C8orf34: variants seen among roughly 807,000 people sequenced by gnomAD.
C8orf34 encodes chromosome 8 open reading frame 34.
C8orf34 carries 65 observed loss-of-function variants against 68.3 expected under a neutral mutation model. The observed-to-expected ratio is 0.95, with a 90% CI of 0.78 to 1.17. The LOEUF (loss-of-function observed/expected upper bound fraction) is 1.17, where lower values mean the gene tolerates loss of function less well. C8orf34 is among the 50% of genes most tolerant of loss of function. The pLI, the probability that C8orf34 is intolerant of heterozygous loss-of-function variation, is 0.00. For missense variants in C8orf34, 664 were observed against 655.4 expected, an observed-to-expected ratio of 1.01 and a Z score of -0.14; for synonymous variants, 244 against 241.2, an observed-to-expected ratio of 1.01 and a Z score of -0.11.
chr8:68,544,576 A>G (rs1462881815), intron 7 of C8orf34, among the ~76,000 whole-genome samples: 3 of 152,178 alleles, frequency 2.0e-5, no homozygotes, highest in Non-Finnish European at 4.4e-5. Context: ...ACAGACCTCA[A>G]TATATGCAAC....
chr8:68,412,542 G>A (rs535489735), intron 1 of C8orf34, among the ~76,000 whole-genome samples: 1 of 152,200 alleles, frequency 6.6e-6, no homozygotes, highest in South Asian at 2.1e-4. Flanking sequence ...TTCCTCAGTA[G>A]TTTTAACTCT....
chr8:68,675,573 A>C (rs1372115241), intron 8 of C8orf34, among the ~76,000 whole-genome samples: 1 of 151,898 alleles, frequency 6.6e-6, no homozygotes, highest in African/African-American at 2.4e-5. Context: ...CTCAAATAAA[A>C]AAAAAACACA....
intron 1 of C8orf34, among the ~76,000 whole-genome samples, chr8:68,426,458 G>A (rs1242536829): frequency 7.2e-6 from 1 of 138,394 alleles, no homozygotes; most frequent in African/African-American, 2.7e-5. Flanking sequence ...GGCGGAGGTT[G>A]TAGTGAGCGG....
intron 10 of C8orf34, among the ~76,000 whole-genome samples, chr8:68,725,721 A>G (rs749775539): frequency 5.3e-5 from 8 of 152,150 alleles, no homozygotes; most frequent in Non-Finnish European, 1.2e-4. Flanking sequence ...TCACATAGAC[A>G]GGGCAGGACA....
intron 7 of C8orf34, among the ~76,000 whole-genome samples, chr8:68,613,334 G>A (rs563939280): frequency 1.3e-5 from 2 of 150,984 alleles, no homozygotes; most frequent in South Asian, 4.2e-4. Flanking sequence ...GGGTACATGT[G>A]CACAATGTGC....
At chr8:68,793,178 AAG>A (rs1439149329) in intron 12 of C8orf34, among the ~76,000 whole-genome samples, 1 of 152,186 alleles carries the variant, frequency 6.6e-6, no homozygotes, top group African/African-American at 2.4e-5. Context: ...GAATATCACA[AAG>A]AAAGAAAATC....
chr8:68,439,562 C>A lies in C8orf34; in HGVS notation c.391C>A (p.Leu131Ile). The A allele has an allele frequency of 1.2e-6, 2 of 1,613,706 alleles. No individual in the cohort carries two copies. Among genetic ancestry groups the A allele is most frequent in the Non-Finnish European group, 1.7e-6 (2 of 1,179,732 alleles). Reference sequence around the variant, plus strand: ...GCCAATCCCATTTCTCATTGACCATCTTCAGTCTAAACAAGGGAACCGTGG... The same window carrying A: ...GCCAATCCCATTTCTCATTGACCATATTCAGTCTAAACAAGGGAACCGTGG... ...DQPIPFLIDHLQSKQGNRGQL... is the reference protein window; with the variant it reads ...DQPIPFLIDHIQSKQGNRGQL... The change falls in exon 2 of 14, where the codon CTT (leucine) becomes ATT (isoleucine). Residue 131 changes from leucine (L) to isoleucine (I), a missense_variant. Leu to Ile is a conservative substitution (Grantham distance 5, BLOSUM62 2). Transcript: ENST00000518698.
intron 7 of C8orf34, among the ~76,000 whole-genome samples, chr8:68,608,413 T>C (rs1817918711): frequency 6.6e-6 from 1 of 151,784 alleles, no homozygotes; most frequent in African/African-American, 2.4e-5. Context: ...TAAAGAGCCT[T>C]GAATTTTGGA....
At chr8:68,564,919 G>A (rs114386321) in intron 7 of C8orf34, among the ~76,000 whole-genome samples, 2,253 of 152,296 alleles carry the variant, frequency 0.015, 23 homozygotes, top group Middle Eastern at 0.027. Flanking sequence ...GCCCACTACT[G>A]GAGGAGGAAG....
chr8:68,473,441 C>T (rs1012419338), intron 4 of C8orf34, among the ~76,000 whole-genome samples: 1 of 152,112 alleles, frequency 6.6e-6, no homozygotes, highest in Non-Finnish European at 1.5e-5. Flanking sequence ...CTACCGCACA[C>T]GTGGTTTGAA....
chr8:68,422,927 G>A (rs1394710105), intron 1 of C8orf34, among the ~76,000 whole-genome samples: 4 of 152,162 alleles, frequency 2.6e-5, no homozygotes, highest in South Asian at 4.1e-4. Flanking sequence ...ACAAAGCCCC[G>A]AGCTATACCT....
At chr8:68,356,368 T>C (rs1361637186) in intron 1 of C8orf34, among the ~76,000 whole-genome samples, 1 of 152,128 alleles carries the variant, frequency 6.6e-6, no homozygotes, top group Non-Finnish European at 1.5e-5. Flanking sequence ...TACTATATTA[T>C]CTACCGAGAA....
intron 1 of C8orf34, among the ~76,000 whole-genome samples, chr8:68,400,561 G>A (rs1808907064): frequency 6.6e-6 from 1 of 151,940 alleles, no homozygotes; most frequent in Non-Finnish European, 1.5e-5. Context: ...CTGTTTGTCT[G>A]TTTATTTTTA....
At chr8:68,601,138 T>C (rs758748418) in intron 7 of C8orf34, among the ~76,000 whole-genome samples, 2 of 152,210 alleles carry the variant, frequency 1.3e-5, no homozygotes, top group Non-Finnish European at 2.9e-5. Flanking sequence ...TGTTTCCCTA[T>C]AAATCATGCG....
chr8:68,713,758 T>A (rs1485803984), intron 9 of C8orf34, among the ~76,000 whole-genome samples: 2 of 151,766 alleles, frequency 1.3e-5, no homozygotes, highest in Non-Finnish European at 1.5e-5. Context: ...TATCAAAAGG[T>A]AGAGAAAAGG....
intron 9 of C8orf34, among the ~76,000 whole-genome samples, chr8:68,710,077 A>T (rs575454533): frequency 6.6e-6 from 1 of 152,342 alleles, no homozygotes; most frequent in African/African-American, 2.4e-5. Context: ...CTGTTTATCA[A>T]AATATGCCCA....
intron 7 of C8orf34, among the ~76,000 whole-genome samples, chr8:68,538,532 A>G (rs909841967): frequency 5.3e-5 from 8 of 152,034 alleles, no homozygotes; most frequent in Non-Finnish European, 8.8e-5. Context: ...GAATTTCTAT[A>G]CAAAACTTTT....
At chr8:68,497,102 C>T (rs918528754) in intron 5 of C8orf34, among the ~76,000 whole-genome samples, 1 of 151,910 alleles carries the variant, frequency 6.6e-6, no homozygotes, top group Non-Finnish European at 1.5e-5. Context: ...AGTGACAACC[C>T]AAGAAAAATA....
intron 5 of C8orf34, among the ~76,000 whole-genome samples, chr8:68,493,745 T>C (rs1226123076): frequency 1.3e-5 from 2 of 152,164 alleles, no homozygotes; most frequent in Non-Finnish European, 2.9e-5. Flanking sequence ...TTAGTGCCTT[T>C]ATGAAAGGGC....
Sources: allele counts gnomAD v4.1 joint callset (sites outside exome capture counted in the v4.1 genomes callset), GRCh38; gene constraint gnomAD v4.1.1; transcripts MANE v1.5; gene names NCBI Gene and HGNC (gene_info 2026-07-23, HGNC 2026-07-21).